The following KDM2A variants were observed in gnomAD, a reference collection of about 807,000 sequenced individuals.
KDM2A encodes the protein lysine-specific demethylase 2A.
In KDM2A, 3 loss-of-function variants were observed where a neutral mutation model predicts 137.3. The ratio of observed to expected loss-of-function variants is 0.02; its 90% CI spans 0.01 to 0.06. The LOEUF (loss-of-function observed/expected upper bound fraction) is 0.06. Ranked by LOEUF, KDM2A falls within the 10% of genes least tolerant of loss-of-function variation. KDM2A has a pLI of 1.00. For synonymous variants in KDM2A, 512 were observed against 541.5 expected, an observed-to-expected ratio of 0.95 and a Z score of 0.76; for missense variants, 738 against 1,510.6, an observed-to-expected ratio of 0.49 and a Z score of 8.48.
At chr11:67,247,422 CTTTTTT>C (rs56012601) in intron 15 of KDM2A, among the ~76,000 whole-genome samples, 3 of 84,532 alleles carry the variant, frequency 3.5e-5, no homozygotes, top group Middle Eastern at 0.016. Context: ...GCATTACAAT[CTTTTTT>C]TTTTTTTTTT....
rs377424313 is a variant in KDM2A at position 67,255,136 on chromosome 11, G to C, written c.*81G>C. ...GGAGAGCCTCTCCTCGACCCTGCAC[G>C]GGCTCTGAGGCCAGCGTCACACTCC... On this transcript the variant is annotated 3_prime_UTR_variant, in exon 21 of 21. Coordinates refer to ENST00000529006, the MANE Select transcript of KDM2A (RefSeq NM_012308.3). 4 of 1,269,436 alleles carry C rather than the reference G, an allele frequency of 3.2e-6. No homozygotes were observed. Among genetic ancestry groups the C allele is most frequent in the East Asian group, 2.5e-5 (1 of 39,588 alleles). The allele number at this position is 1,269,436 out of a possible 1,614,324, so 78.6% of individuals were successfully genotyped here. A position where few individuals can be genotyped will look rare whatever the true frequency, so the allele number is the denominator to read the frequency against.
At chr11:67,193,005 G>C (rs950136043) in intron 5 of KDM2A, among the ~76,000 whole-genome samples, 1 of 151,742 alleles carries the variant, frequency 6.6e-6, no homozygotes, top group African/African-American at 2.4e-5. Context: ...TTTTGGCTAG[G>C]GGGTATCAGA....
At chr11:67,157,093 C>T (rs1410411072) in intron 2 of KDM2A, among the ~76,000 whole-genome samples, 2 of 152,004 alleles carry the variant, frequency 1.3e-5, no homozygotes, top group African/African-American at 4.8e-5. Flanking sequence ...AAGGGCCGAT[C>T]ACGAGGTCAG....
intron 5 of KDM2A, among the ~76,000 whole-genome samples, chr11:67,189,006 G>A (rs577865380): frequency 2.6e-5 from 4 of 152,184 alleles, no homozygotes; most frequent in African/African-American, 9.6e-5. Context: ...ATAATGGATA[G>A]AACAACCAGA....
At chr11:67,166,297 G>C (rs896970498) in intron 2 of KDM2A, among the ~76,000 whole-genome samples, 1 of 150,338 alleles carries the variant, frequency 6.7e-6, no homozygotes, top group Non-Finnish European at 1.5e-5. Context: ...TGATTCTCGT[G>C]CCTCAGCCTC....
In KDM2A at chr11:67,207,600, C is replaced by T. The variant is rs773836437; in HGVS notation, c.398C>T (p.Pro133Leu). 2 of 1,613,716 alleles carry T rather than the reference C, an allele frequency of 1.2e-6. No individual in the cohort carries two copies. Among genetic ancestry groups the T allele is most frequent in the Admixed American group, 1.7e-5 (1 of 60,002 alleles). ...MAQWTRYYET[P>L]EEEREKLYNV... ...CAGTGGACACGCTACTATGAGACCC[C>T]AGAGGAGGAGCGAGAGAAACTCTAT... Residue 133 changes from proline to leucine, a missense_variant, in exon 6 of 21, where the codon CCA (proline) becomes CTA (leucine). Coordinates refer to ENST00000529006, the MANE Select transcript of KDM2A (RefSeq NM_012308.3).
chr11:67,216,073 G>C, intron 8 of KDM2A, 124 bp downstream of exon 8: 3 of 771,078 alleles, frequency 3.9e-6, no homozygotes, highest in Non-Finnish European at 6.8e-6. Flanking sequence ...TTCGTATCTG[G>C]AAAGAATTAT....
chr11:67,174,166 G>T (rs1274857989), intron 2 of KDM2A, among the ~76,000 whole-genome samples: 1 of 152,202 alleles, frequency 6.6e-6, no homozygotes, highest in Non-Finnish European at 1.5e-5. Context: ...GCTGAGGCAG[G>T]AGAATTGCTT....
intron 11 of KDM2A, among the ~76,000 whole-genome samples, chr11:67,229,819 G>A (rs573022588): frequency 7.3e-5 from 11 of 151,190 alleles, no homozygotes; most frequent in Middle Eastern, 3.4e-3. Context: ...GCAGTGAGCC[G>A]AGATCACGCC....
chr11:67,127,880 A>AT (rs1306361195), intron 2 of KDM2A, among the ~76,000 whole-genome samples: 4 of 151,162 alleles, frequency 2.6e-5, no homozygotes, highest in African/African-American at 9.7e-5. Context: ...CTAATTTTGT[A>AT]TTTTTGGTAG....
chr11:67,160,199 C>G (rs1856603730), intron 2 of KDM2A, among the ~76,000 whole-genome samples: 1 of 152,046 alleles, frequency 6.6e-6, no homozygotes, highest in Non-Finnish European at 1.5e-5. Context: ...TAGGAACAGG[C>G]AGTGATGTTG....
intron 16 of KDM2A, among the ~76,000 whole-genome samples, chr11:67,249,884 C>G (rs546163068): frequency 6.6e-6 from 1 of 152,114 alleles, no homozygotes; most frequent in African/African-American, 2.4e-5. Flanking sequence ...ATAATTCCAG[C>G]ACTTTGGGAG....
chr11:67,173,538 T>G (rs1434769835), intron 2 of KDM2A, among the ~76,000 whole-genome samples: 1 of 152,018 alleles, frequency 6.6e-6, no homozygotes, highest in Admixed American at 6.6e-5. Context: ...ATTACAGGTG[T>G]GAGCCACCAT....
chr11:67,175,429 C>T (rs1055629608), intron 2 of KDM2A, among the ~76,000 whole-genome samples: 1 of 152,176 alleles, frequency 6.6e-6, no homozygotes, highest in Non-Finnish European at 1.5e-5. Context: ...GAGACTCTGT[C>T]TCCGAAAAAA....
chr11:67,192,574 A>T (rs1857384632), intron 5 of KDM2A, among the ~76,000 whole-genome samples: 1 of 149,252 alleles, frequency 6.7e-6, no homozygotes, highest in South Asian at 2.1e-4. Flanking sequence ...CCTCCCGAGT[A>T]GCTGGGATTA....
At chr11:67,120,863 A>G (rs1369658228) in intron 1 of KDM2A, among the ~76,000 whole-genome samples, 2 of 151,392 alleles carry the variant, frequency 1.3e-5, no homozygotes, top group African/African-American at 4.8e-5. Context: ...GATCTGGATT[A>G]GTTCAGTGGT....
At chr11:67,248,089 C>T (rs1859304744) in intron 15 of KDM2A, among the ~76,000 whole-genome samples, 192 bp from the exon 16 acceptor site, 2 of 152,214 alleles carry the variant, frequency 1.3e-5, no homozygotes, top group South Asian at 2.1e-4. Flanking sequence ...TAAACCCAAG[C>T]TATCAGAACC....
chr11:67,196,536 A>G, intron 5 of KDM2A: 1 of 451,080 alleles, frequency 2.2e-6, no homozygotes, highest in Non-Finnish European at 4.5e-6. Context: ...CTGGATTATT[A>G]TTTAGCCTTA....
At chr11:67,215,066 C>T (rs573016877) in intron 6 of KDM2A, among the ~76,000 whole-genome samples, 7 of 152,222 alleles carry the variant, frequency 4.6e-5, no homozygotes, top group Non-Finnish European at 1.0e-4. Flanking sequence ...CATAGTTATA[C>T]ACTATTGCAT....
Sources: gnomAD v4.1 joint callset for allele counts (sites outside exome capture counted in the v4.1 genomes callset) on GRCh38, gnomAD v4.1.1 for gene constraint, MANE v1.5 for transcripts, NCBI Gene and HGNC (gene_info 2026-07-23, HGNC 2026-07-21) for gene names.